Variants in FNBP1 observed in about 807,000 individuals in gnomAD.
The protein encoded by FNBP1 is formin-binding protein 1.
In FNBP1, 26 loss-of-function variants were observed where a neutral mutation model predicts 90.6. The observed-to-expected ratio is 0.29, with a 90% CI of 0.21 to 0.40. The LOEUF (loss-of-function observed/expected upper bound fraction) is 0.40, where lower values mean the gene tolerates loss of function less well. Ranked by LOEUF, FNBP1 falls within the 10% of genes least tolerant of loss-of-function variation. The pLI is 1.00. For synonymous variants in FNBP1, 260 were observed against 265.2 expected (o/e 0.98, Z 0.19); for missense variants, 635 against 768.0 (o/e 0.83, Z 2.05).
chr9:129,916,093 T>G, intron 10 of FNBP1, 113 bp from the exon 11 acceptor site: 1 of 735,028 alleles, frequency 1.4e-6, no homozygotes, highest in Non-Finnish European at 2.3e-6. Context: ...TCCGCCATAT[T>G]AAAATAACAC....
chr9:129,990,764 T>C (rs908412957), intron 2 of FNBP1, among the ~76,000 whole-genome samples: 2 of 152,042 alleles, frequency 1.3e-5, no homozygotes. Context: ...CAAAAGATCA[T>C]GGACCACGTA....
intron 1 of FNBP1, among the ~76,000 whole-genome samples, chr9:130,027,544 A>G (rs757863418): frequency 6.6e-6 from 1 of 152,212 alleles, no homozygotes; most frequent in Non-Finnish European, 1.5e-5. Context: ...TCCAGTTACT[A>G]TTGTTGTATA....
At chr9:129,894,351 C>T (rs545969514) in intron 16 of FNBP1, among the ~76,000 whole-genome samples, 4 of 152,224 alleles carry the variant, frequency 2.6e-5, no homozygotes, top group African/African-American at 9.6e-5. Flanking sequence ...TGCAAATTCT[C>T]ATGTGGCCTA....
chr9:129,926,328 T>C (rs944580223), intron 8 of FNBP1, among the ~76,000 whole-genome samples: 3 of 152,216 alleles, frequency 2.0e-5, no homozygotes, highest in African/African-American at 7.2e-5. Flanking sequence ...TAAAAGCCTA[T>C]GCTGGTGTTC....
chr9:130,044,284 A>G (rs1316310100), upstream of FNBP1, among the ~76,000 whole-genome samples: 1 of 152,146 alleles, frequency 6.6e-6, no homozygotes, highest in Non-Finnish European at 1.5e-5. Flanking sequence ...CATTTCTCCA[A>G]TCCCACCCCA....
intron 6 of FNBP1, among the ~76,000 whole-genome samples, chr9:129,934,416 G>A (rs2043150534): frequency 6.6e-6 from 1 of 152,068 alleles, no homozygotes; most frequent in Non-Finnish European, 1.5e-5. Flanking sequence ...CCTAGGCTGG[G>A]TCACAGACGT....
chr9:129,972,220 G>A, intron 4 of FNBP1, among the ~76,000 whole-genome samples: 1 of 152,086 alleles, frequency 6.6e-6, no homozygotes, highest in East Asian at 1.9e-4. Context: ...TGCAACCTCT[G>A]CCTCCCGGGT....
In FNBP1 at chr9:129,994,923, C is replaced by G. The variant is rs374613103; in HGVS notation, c.60G>C (p.Trp20Cys). Residue 20 changes from tryptophan to cysteine, a missense_variant, in exon 2 of 17, where the codon TGG becomes TGC. Transcript: ENST00000446176. The stretch of plus-strand genomic sequence containing the variant: ...TATATTTCTCAAGAATATCAATTCC[C>G]CACTGTGTGTGTTTTTCTAAGTTGT... The part of the protein sequence containing the change: ...QFDNLEKHTQ[W>C]GIDILEKYIK... 44 of 1,605,272 alleles carry G rather than the reference C, an allele frequency of 2.7e-5. No individual in the cohort carries two copies. The highest frequency in any genetic ancestry group is 3.5e-5 in the Non-Finnish European group (41 of 1,173,712).
At chr9:130,039,676 CAAAA>C (rs34484229) in intron 1 of FNBP1, among the ~76,000 whole-genome samples, 4 of 116,630 alleles carry the variant, frequency 3.4e-5, no homozygotes, top group Admixed American at 8.6e-5. Flanking sequence ...AGCTTTGTCT[CAAAA>C]AAAAAAAAAA....
intron 6 of FNBP1, among the ~76,000 whole-genome samples, chr9:129,932,315 A>C (rs572607050): frequency 6.6e-6 from 1 of 152,196 alleles, no homozygotes; most frequent in East Asian, 1.9e-4. Context: ...GAAAAGAAAC[A>C]CATGAGAGGA....
At chr9:130,036,141 A>G (rs1429896155) in intron 1 of FNBP1, among the ~76,000 whole-genome samples, 5 of 152,340 alleles carry the variant, frequency 3.3e-5, no homozygotes. Context: ...TCACACCCAC[A>G]TTCTAAAATC....
At chr9:130,025,295 C>T (rs994686669) in intron 1 of FNBP1, among the ~76,000 whole-genome samples, 1 of 152,164 alleles carries the variant, frequency 6.6e-6, no homozygotes, top group Non-Finnish European at 1.5e-5. Flanking sequence ...AGGTGTGTGT[C>T]ACTTTTTGAA....
chr9:130,039,196 T>C (rs2132378207), intron 1 of FNBP1, among the ~76,000 whole-genome samples: 1 of 152,364 alleles, frequency 6.6e-6, no homozygotes, highest in Non-Finnish European at 1.5e-5. Flanking sequence ...TAAAACCTAC[T>C]TTCTATGCTT....
Position 129,908,930 on chromosome 9 carries a change from C to A in FNBP1, c.1255G>T (p.Asp419Tyr). 6.2e-7 allele frequency: 1 copy of A among 1,613,480 alleles called. No individual in the cohort carries two copies. The highest frequency in any genetic ancestry group is 8.5e-7 in the Non-Finnish European group (1 of 1,179,688). Residue 419 changes from aspartate (D) to tyrosine (Y), a missense_variant, in exon 12 of 17, where the codon GAT becomes TAT. By Grantham distance (160) the Asp-to-Tyr change is radical. Coordinates refer to ENST00000446176, the MANE Select transcript of FNBP1 (RefSeq NM_015033.3). ...TTCTGAATTTCTTTATTTAACTCAT[C>A]GACTTTCTGCTGCAGCTTTTTCCTT... ...QRRKKLQQKV[D>Y]ELNKEIQKEM... is the part of the protein sequence containing the mutation.
chr9:130,032,631 A>G (rs1230697419), intron 1 of FNBP1, among the ~76,000 whole-genome samples: 1 of 152,222 alleles, frequency 6.6e-6, no homozygotes, highest in Non-Finnish European at 1.5e-5. Flanking sequence ...TATCTCTGCC[A>G]AGAAGAAATC....
At chr9:130,023,756 G>A (rs1287826625) in intron 1 of FNBP1, among the ~76,000 whole-genome samples, 1 of 152,028 alleles carries the variant, frequency 6.6e-6, no homozygotes, top group Non-Finnish European at 1.5e-5. Context: ...CCATGGAAAC[G>A]TCATCCTTTT....
intron 10 of FNBP1, among the ~76,000 whole-genome samples, chr9:129,922,120 G>A (rs1205338059): frequency 6.6e-6 from 1 of 151,932 alleles, no homozygotes; most frequent in Non-Finnish European, 1.5e-5. Flanking sequence ...GATTACAGGC[G>A]TGGGCCACTG....
rs2034879165 is a variant in FNBP1 at position 129,888,613 on chromosome 9, C to T, written c.*1926G>A. 4.3e-6 allele frequency: 1 copy of T among 232,984 alleles called. No individual in the cohort carries two copies. Among genetic ancestry groups the T allele is most frequent in the Non-Finnish European group, 8.5e-6 (1 of 117,950 alleles). The allele number at this position is 232,984 out of a possible 1,614,324, so 14.4% of individuals were successfully genotyped here. ...AACCCTGAGCGGTTTGCAGTCCCCC[C>T]CGGGGAAGAAGCAGTCAGAGAGGCT... On this transcript the variant is annotated 3_prime_UTR_variant, in exon 17 of 17. Coordinates refer to ENST00000446176, the MANE Select transcript of FNBP1 (RefSeq NM_015033.3).
upstream of FNBP1, among the ~76,000 whole-genome samples, chr9:130,044,126 A>G (rs2060028912): frequency 6.6e-6 from 1 of 152,184 alleles, no homozygotes; most frequent in South Asian, 2.1e-4. Flanking sequence ...AAGCTATGGA[A>G]AATGTTTGGA....
Sources: allele counts gnomAD v4.1 joint callset (sites outside exome capture counted in the v4.1 genomes callset), GRCh38; gene constraint gnomAD v4.1.1; transcripts MANE v1.5; gene names NCBI Gene and HGNC (gene_info 2026-07-23, HGNC 2026-07-21).